The following ING5 variants were observed in gnomAD, a reference collection of about 807,000 sequenced individuals.
The protein encoded by ING5 is inhibitor of growth family member 5.
In ING5, 17 loss-of-function variants were observed where a neutral mutation model predicts 37.4. The observed-to-expected ratio is 0.45, with a 90% CI of 0.31 to 0.68. The LOEUF (loss-of-function observed/expected upper bound fraction) is 0.68. Ranked by LOEUF, ING5 falls within the 30% of genes least tolerant of loss-of-function variation. The pLI is 0.05. For synonymous variants in ING5, 123 were observed against 116.6 expected (o/e 1.06, Z -0.36); for missense variants, 233 against 311.9 (o/e 0.75, Z 1.91).
At chr2:241,704,507 G>C (rs1185073288) in intron 1 of ING5, 146 bp from the exon 2 acceptor site, 2 of 633,828 alleles carry the variant, frequency 3.2e-6, no homozygotes, top group African/African-American at 3.6e-5. Context: ...GGTGTAGGTT[G>C]CAGTGAGCCA....
At chr2:241,705,490 C>T (rs1268533144) in intron 2 of ING5, among the ~76,000 whole-genome samples, 2 of 149,682 alleles carry the variant, frequency 1.3e-5, no homozygotes, top group African/African-American at 4.9e-5. Context: ...CTCCACCTCC[C>T]GGGTTCAAGT....
At chr2:241,713,745 T>C (rs1210414127) in intron 5 of ING5, among the ~76,000 whole-genome samples, 2 of 151,636 alleles carry the variant, frequency 1.3e-5, no homozygotes, top group Non-Finnish European at 2.9e-5. Flanking sequence ...TCGCAGCACT[T>C]TGGGAGGCCA....
intron 2 of ING5, among the ~76,000 whole-genome samples, chr2:241,692,658 G>A (rs569396718): frequency 1.3e-5 from 2 of 152,142 alleles, no homozygotes; most frequent in South Asian, 4.2e-4. Flanking sequence ...CTGCTCTGAA[G>A]GACCCCACAG....
Position 241,712,371 on chromosome 2 carries a change from C to T in ING5, c.482+300C>T, listed in dbSNP as rs1222882248. 9.4e-6 allele frequency: 3 copies of T among 320,082 alleles called. No homozygotes were observed. The East Asian group carries it at 1.7e-4, about 19-fold the overall frequency. The allele number at this position is 320,082 out of a possible 1,614,324, so 19.8% of individuals were successfully genotyped here. A position where few individuals can be genotyped will look rare whatever the true frequency, so the allele number is the denominator to read the frequency against. ...CCTGTCCTCTTAGCCACAGTGTGTG[C>T]TGCCCCACTAGGGACAGGAGGATGG... On this transcript the variant is annotated intron_variant, in intron 5 of 7. Coordinates refer to ENST00000313552, the MANE Select transcript of ING5 (RefSeq NM_032329.6).
intron 7 of ING5, chr2:241,723,954 G>A: frequency 7.9e-7 from 1 of 1,266,958 alleles, no homozygotes; most frequent in South Asian, 1.4e-5. Context: ...AGGCTTCAGT[G>A]AGCTGAGATC....
chr2:241,698,082 CA>C (rs138451940), upstream of ING5, among the ~76,000 whole-genome samples: 12,435 of 84,516 alleles, frequency 0.15, 704 homozygotes, highest in Admixed American at 0.28. Flanking sequence ...GGCTCCATCT[CA>C]AAAAAAAAAA....
At chr2:241,697,825 G>T (rs112134035), upstream of ING5, among the ~76,000 whole-genome samples, 12,783 of 152,210 alleles carry the variant, frequency 0.084, 1,350 homozygotes, top group African/African-American at 0.25. Flanking sequence ...GCTCACGCCC[G>T]TAATCCCAAC....
intron 2 of ING5, among the ~76,000 whole-genome samples, chr2:241,694,868 A>G (rs1230327499): frequency 3.0e-5 from 4 of 131,516 alleles, no homozygotes; most frequent in Non-Finnish European, 6.3e-5. Flanking sequence ...AATACAAAAA[A>G]AATTGGTAGG....
rs1404046330 is a variant in ING5 at position 241,728,021 on chromosome 2, A to G, written c.*2990A>G. On this transcript the variant is annotated 3_prime_UTR_variant, in exon 8 of 8. Coordinates refer to ENST00000313552, the MANE Select transcript of ING5 (RefSeq NM_032329.6). ...ATGTTTACTTTTGCCACTTACAATAATATCACCAAAATAATATGCATAGAG... is the reference window on the plus strand; with the variant it reads ...ATGTTTACTTTTGCCACTTACAATAGTATCACCAAAATAATATGCATAGAG... 1 of 152,266 alleles carries G rather than the reference A, an allele frequency of 6.6e-6. No homozygotes were observed. The highest frequency in any genetic ancestry group is 2.4e-5 in the African/African-American group (1 of 41,466). The allele number at this position is 152,266 out of a possible 1,614,324, so 9.4% of individuals were successfully genotyped here.
intron 3 of ING5, 125 bp downstream of exon 3, chr2:241,709,507 C>G (rs1462268152): frequency 2.4e-6 from 2 of 830,542 alleles, no homozygotes; most frequent in African/African-American, 3.5e-5. Flanking sequence ...GTAGCTGACG[C>G]TGCTGGAGGA....
chr2:241,721,424 G>A (rs1276766889), intron 5 of ING5: 1 of 985,654 alleles, frequency 1.0e-6, no homozygotes, highest in Non-Finnish European at 1.2e-6. Context: ...GCAAAGGACA[G>A]ACTTAGGTGG....
In ING5 at chr2:241,725,096, T is replaced by C; in HGVS notation, c.*65T>C. ...GTCCCTTCATTCGTGTCGCAATATT[T>C]CCCTTCCTTTTAAAACTACCTTGTT... On this transcript the variant is annotated 3_prime_UTR_variant, in exon 8 of 8. Transcript: ENST00000313552. 1 of 1,540,564 alleles carries C rather than the reference T, an allele frequency of 6.5e-7. No homozygotes were observed.
intron 5 of ING5, chr2:241,720,032 T>G (rs2070390358): frequency 1.6e-6 from 2 of 1,242,830 alleles, no homozygotes; most frequent in African/African-American, 3.1e-5. Flanking sequence ...TAAGGCCAGC[T>G]CTGAAGCTGG....
At chr2:241,696,200 G>GC (rs1385890332) in intron 2 of ING5, among the ~76,000 whole-genome samples, 1 of 152,102 alleles carries the variant, frequency 6.6e-6, no homozygotes, top group Non-Finnish European at 1.5e-5. Flanking sequence ...GACCAGCCTG[G>GC]CCAACATAGT....
chr2:241,690,111 G>C (rs1039970203), exon 2 of ING5: 1 of 152,308 alleles, frequency 6.6e-6, no homozygotes, highest in African/African-American at 2.4e-5. Flanking sequence ...GCTCCCCTGG[G>C]ACGGGGGAGG....
intron 5 of ING5, chr2:241,720,197 C>T: frequency 8.1e-7 from 1 of 1,234,124 alleles, no homozygotes; most frequent in Non-Finnish European, 1.0e-6. Flanking sequence ...AGGGCATCAT[C>T]CTGGGTGTGT....
At chr2:241,711,299 G>A (rs1187766710) in intron 3 of ING5, 78 bp from the exon 4 acceptor site, 4 of 1,001,130 alleles carry the variant, frequency 4.0e-6, no homozygotes, top group South Asian at 2.3e-5. Flanking sequence ...GTGTTTCCTG[G>A]TGGATACTTT....
At chr2:241,715,070 TA>T (rs1460282728) in intron 5 of ING5, among the ~76,000 whole-genome samples, 1 of 152,324 alleles carries the variant, frequency 6.6e-6, no homozygotes, top group Non-Finnish European at 1.5e-5. Flanking sequence ...AATTGATTTT[TA>T]TATCTTCCTT....
rs2070165873 is a variant in ING5, at chr2:241,713,131, A to G, written c.482+1060A>G. ...GAGTGCAATGGCGCCATCTCGGCTC[A>G]CTGCAACCTCTGCCTCCCAGGTTCA... is the stretch of plus-strand genomic sequence containing the variant. On this transcript the variant is annotated intron_variant, in intron 5 of 7. Transcript: ENST00000313552. 4.0e-5 allele frequency among the ~76,000 whole-genome samples: 6 copies of G among 148,210 alleles called. No homozygotes were observed. In the Admixed American group the frequency reaches 4.1e-4, roughly 10 times the overall value.
Sources: allele counts gnomAD v4.1 joint callset (sites outside exome capture counted in the v4.1 genomes callset), GRCh38; gene constraint gnomAD v4.1.1; transcripts MANE v1.5; gene names NCBI Gene and HGNC (gene_info 2026-07-23, HGNC 2026-07-21).